PACRG: variants seen among roughly 807,000 people sequenced by gnomAD.
The protein encoded by PACRG is parkin coregulated gene protein.
A neutral mutation model predicts 29.7 loss-of-function variants in PACRG; 29 were observed. That is an observed-to-expected ratio of 0.98 (90% CI 0.73 to 1.33). PACRG has a LOEUF of 1.33. Ranked by LOEUF, PACRG falls within the 40% of genes most tolerant of loss-of-function variation. The probability of loss-of-function intolerance (pLI) is 0.00; values close to 1 mark genes in which losing one functional copy is unlikely to be tolerated. For missense variants in PACRG, 279 were observed against 316.2 expected, an observed-to-expected ratio of 0.88 and a Z score of 0.89; for synonymous variants, 116 against 118.7, an observed-to-expected ratio of 0.98 and a Z score of 0.15.
chr6:163,238,807 T>C (rs1005971202), intron 4 of PACRG, among the ~76,000 whole-genome samples: 1 of 152,222 alleles, frequency 6.6e-6, no homozygotes, highest in African/African-American at 2.4e-5. Context: ...TTTTTTCTCA[T>C]GTAAAAGGCT....
chr6:163,173,530 C>T (rs1779195265), intron 4 of PACRG, among the ~76,000 whole-genome samples: 1 of 152,170 alleles, frequency 6.6e-6, no homozygotes, highest in Non-Finnish European at 1.5e-5. Context: ...GGTGGTTTCT[C>T]CTCTAGACCA....
intron 3 of PACRG, among the ~76,000 whole-genome samples, chr6:163,072,716 C>G (rs1398797320): frequency 6.6e-6 from 1 of 152,114 alleles, no homozygotes; most frequent in Non-Finnish European, 1.5e-5. Flanking sequence ...AACCTAAAGA[C>G]TCCACCAAAA....
chr6:162,824,803 C>T (rs1236149462), intron 2 of PACRG, among the ~76,000 whole-genome samples: 2 of 152,144 alleles, frequency 1.3e-5, no homozygotes, highest in South Asian at 2.1e-4. Context: ...TAGAATAGAT[C>T]ACTATTCAAG....
intron 4 of PACRG, among the ~76,000 whole-genome samples, chr6:163,272,619 G>A (rs1783874700): frequency 6.6e-6 from 1 of 151,980 alleles, no homozygotes; most frequent in Non-Finnish European, 1.5e-5. Context: ...GAACTTTATT[G>A]AGCATATTTA....
chr6:162,730,997 A>G (rs1779724949), intron 1 of PACRG, among the ~76,000 whole-genome samples: 1 of 152,176 alleles, frequency 6.6e-6, no homozygotes, highest in African/African-American at 2.4e-5. Context: ...TCACGAAGCA[A>G]GTTAGAAAAT....
chr6:163,037,173 G>A (rs1808279089), intron 2 of PACRG, among the ~76,000 whole-genome samples: 3 of 152,140 alleles, frequency 2.0e-5, no homozygotes, highest in Admixed American at 2.0e-4. Context: ...ATCTGGGAGT[G>A]GCAGAAGAGA....
intron 2 of PACRG, among the ~76,000 whole-genome samples, chr6:162,974,624 C>A (rs1801795205): frequency 6.6e-6 from 1 of 152,108 alleles, no homozygotes; most frequent in Admixed American, 6.5e-5. Context: ...AATTTTCTGC[C>A]TTTTTCCTGT....
intron 2 of PACRG, among the ~76,000 whole-genome samples, chr6:162,912,486 C>G (rs1318566976): frequency 1.3e-5 from 2 of 152,068 alleles, no homozygotes; most frequent in Admixed American, 1.3e-4. Context: ...GTAACTTCTG[C>G]CACTGTAGTA....
upstream of PACRG, chr6:162,727,730 C>G: frequency 4.6e-6 from 7 of 1,530,064 alleles, no homozygotes; most frequent in Non-Finnish European, 5.3e-6. Context: ...CGGCGCCAGC[C>G]GCGCCTCCCA....
chr6:163,059,087 A>G (rs1357554434), intron 2 of PACRG, among the ~76,000 whole-genome samples: 1 of 151,812 alleles, frequency 6.6e-6, no homozygotes, highest in Non-Finnish European at 1.5e-5. Flanking sequence ...CTCAAAAAAA[A>G]AAAAAAAAGT....
At chr6:163,157,024 C>T (rs958657385) in intron 4 of PACRG, among the ~76,000 whole-genome samples, 2 of 152,140 alleles carry the variant, frequency 1.3e-5, no homozygotes, top group African/African-American at 2.4e-5. Context: ...CACATAGTCA[C>T]GGGTTCCAGG....
chr6:163,175,505 G>T (rs1185868790), intron 4 of PACRG, among the ~76,000 whole-genome samples: 1 of 152,046 alleles, frequency 6.6e-6, no homozygotes, highest in Non-Finnish European at 1.5e-5. Flanking sequence ...AGGGATTGTG[G>T]TAACAGTTCT....
At chr6:162,922,974 A>C (rs1267629518) in intron 2 of PACRG, among the ~76,000 whole-genome samples, 5 of 152,154 alleles carry the variant, frequency 3.3e-5, no homozygotes, top group African/African-American at 1.2e-4. Flanking sequence ...GTTTTTGAGA[A>C]GCCTCCATAA....
intron 4 of PACRG, among the ~76,000 whole-genome samples, chr6:163,290,260 G>T (rs566850339): frequency 7.0e-6 from 1 of 143,652 alleles, no homozygotes; most frequent in East Asian, 2.1e-4. Flanking sequence ...GCACATGTGC[G>T]CATGCACGCG....
chr6:162,822,112 CAGG>C (rs1411607383), intron 2 of PACRG, among the ~76,000 whole-genome samples: 1 of 152,142 alleles, frequency 6.6e-6, no homozygotes, highest in Non-Finnish European at 1.5e-5. Flanking sequence ...CTAATTAAGA[CAGG>C]AGATTGATAG....
At chr6:162,923,877 C>T (rs964081927) in intron 2 of PACRG, among the ~76,000 whole-genome samples, 3 of 151,650 alleles carry the variant, frequency 2.0e-5, no homozygotes, top group Non-Finnish European at 4.4e-5. Context: ...TTTTTTGGTT[C>T]CATATAAATT....
chr6:163,272,227 C>T (rs1251900856), intron 4 of PACRG, among the ~76,000 whole-genome samples: 1 of 151,960 alleles, frequency 6.6e-6, no homozygotes, highest in Non-Finnish European at 1.5e-5. Flanking sequence ...TTAGTAGAGA[C>T]GGGGTTTCCC....
intron 4 of PACRG, among the ~76,000 whole-genome samples, chr6:163,168,528 A>G (rs939262824): frequency 6.9e-6 from 1 of 145,812 alleles, no homozygotes; most frequent in African/African-American, 2.6e-5. Context: ...AAAGCATTGC[A>G]TGAAATCTGC....
intron 1 of PACRG, among the ~76,000 whole-genome samples, chr6:162,804,936 G>T (rs957840039): frequency 1.3e-5 from 2 of 152,116 alleles, no homozygotes; most frequent in Non-Finnish European, 2.9e-5. Context: ...AGATGGTATT[G>T]CCTACTACAC....
Sources: allele counts gnomAD v4.1 joint callset (sites outside exome capture counted in the v4.1 genomes callset), GRCh38; gene constraint gnomAD v4.1.1; transcripts MANE v1.5; gene names NCBI Gene and HGNC (gene_info 2026-07-23, HGNC 2026-07-21).